Variants in RFX3 observed in about 807,000 individuals in gnomAD.
RFX3 encodes regulatory factor X3.
A neutral mutation model predicts 98.6 loss-of-function variants in RFX3; 14 were observed. That is an observed-to-expected ratio of 0.14 (90% CI 0.09 to 0.22). The LOEUF (loss-of-function observed/expected upper bound fraction) is 0.22, where lower values mean the gene tolerates loss of function less well. Among genes scored for constraint, RFX3 ranks in the 10% least tolerant of loss-of-function variants. The pLI is 1.00. For missense variants in RFX3, 639 were observed against 926.9 expected (o/e 0.69, Z 4.03); for synonymous variants, 383 against 328.4 (o/e 1.17, Z -1.80).
chr9:3,239,181 T>C (rs1819583130), intron 15 of RFX3, among the ~76,000 whole-genome samples: 2 of 152,222 alleles, frequency 1.3e-5, no homozygotes, highest in Non-Finnish European at 2.9e-5. Context: ...GCATTCTGCA[T>C]TTAGCACTGA....
chr9:3,257,276 T>C, intron 13 of RFX3, 77 bp from the exon 14 acceptor site: 1 of 1,160,144 alleles, frequency 8.6e-7, no homozygotes, highest in South Asian at 1.3e-5. Context: ...ACACACTAGA[T>C]GCAAGAACAG....
intron 1 of RFX3, among the ~76,000 whole-genome samples, chr9:3,440,071 A>G (rs1814129953): frequency 6.6e-6 from 1 of 152,090 alleles, no homozygotes; most frequent in Non-Finnish European, 1.5e-5. Context: ...ATTGCTGATA[A>G]AAACTCTCAG....
chr9:3,474,207 C>A (rs1366727592), intron 1 of RFX3, among the ~76,000 whole-genome samples: 2 of 152,126 alleles, frequency 1.3e-5, no homozygotes, highest in Admixed American at 1.3e-4. Context: ...ACTTGCAGTT[C>A]CAATCAGCAA....
intron 1 of RFX3, among the ~76,000 whole-genome samples, 190 bp downstream of exon 1, chr9:3,525,557 G>A (rs983678331): frequency 6.6e-6 from 1 of 152,054 alleles, no homozygotes; most frequent in Non-Finnish European, 1.5e-5. Flanking sequence ...GGCGCGCAGG[G>A]TCCATTGTAA....
chr9:3,332,559 C>G (rs748096753), intron 3 of RFX3, among the ~76,000 whole-genome samples: 3 of 152,164 alleles, frequency 2.0e-5, no homozygotes, highest in Non-Finnish European at 4.4e-5. Flanking sequence ...TGCAATCTAT[C>G]TCCAACTTTG....
chr9:3,393,255 G>C (rs763984575), intron 2 of RFX3, among the ~76,000 whole-genome samples: 3 of 152,134 alleles, frequency 2.0e-5, no homozygotes, highest in African/African-American at 2.4e-5. Flanking sequence ...GTGGTTTGTG[G>C]GAGAATGGGG....
intron 1 of RFX3, among the ~76,000 whole-genome samples, chr9:3,479,035 A>G (rs143973426): frequency 2.0e-5 from 3 of 152,228 alleles, no homozygotes; most frequent in Non-Finnish European, 4.4e-5. Context: ...AGTGCCTTCA[A>G]TGGGGCTCCA....
chr9:3,344,654 C>T (rs770153958), intron 3 of RFX3: 8 of 578,414 alleles, frequency 1.4e-5, no homozygotes, highest in African/African-American at 1.3e-4. Flanking sequence ...AAGCTACAAA[C>T]TCCCATTCTC....
At chr9:3,326,290 T>C (rs899350257) in intron 4 of RFX3, among the ~76,000 whole-genome samples, 5 of 152,142 alleles carry the variant, frequency 3.3e-5, no homozygotes, top group African/African-American at 1.2e-4. Context: ...ATTCATCATA[T>C]AAAATTTAAT....
intron 15 of RFX3, among the ~76,000 whole-genome samples, chr9:3,242,523 A>AG (rs1820092397): frequency 6.6e-6 from 1 of 152,148 alleles, no homozygotes; most frequent in African/African-American, 2.4e-5. Context: ...TAGTCACACT[A>AG]GCACAATGCT....
chr9:3,520,248 G>A (rs534429239), intron 1 of RFX3, among the ~76,000 whole-genome samples: 3 of 152,246 alleles, frequency 2.0e-5, no homozygotes, highest in Admixed American at 2.0e-4. Flanking sequence ...GATTCTTTGA[G>A]GCAGTCTAAC....
At chr9:3,358,258 A>G (rs1836004000) in intron 2 of RFX3, among the ~76,000 whole-genome samples, 1 of 152,174 alleles carries the variant, frequency 6.6e-6, no homozygotes, top group Non-Finnish European at 1.5e-5. Context: ...TACATCTTGA[A>G]TAACTGGTAA....
chr9:3,390,711 G>T lies in RFX3; in HGVS notation c.117+4761C>A, dbSNP rs561677514. ...TAAAAATGGGAGTTTCCCTGCACAA[G>T]CTCTCTCTCTTTACCTGCTGCCACC... On this transcript the variant is annotated intron_variant, in intron 2 of 16. Transcript: ENST00000617270. Among the ~76,000 whole-genome samples the T allele has an allele frequency of 2.6e-5, 4 of 152,132 alleles. No individual in the cohort carries two copies. The East Asian group carries it at 7.7e-4, about 29-fold the overall frequency.
At chr9:3,503,669 A>G (rs1291070316) in intron 1 of RFX3, among the ~76,000 whole-genome samples, 1 of 149,614 alleles carries the variant, frequency 6.7e-6, no homozygotes, top group African/African-American at 2.6e-5. Flanking sequence ...AGTAACTTTT[A>G]TTTAAATAAT....
At chr9:3,387,556 T>G (rs1265227599) in intron 2 of RFX3, among the ~76,000 whole-genome samples, 1 of 152,106 alleles carries the variant, frequency 6.6e-6, no homozygotes, top group East Asian at 1.9e-4. Flanking sequence ...ACCTTACTTC[T>G]TTATACTGGA....
chr9:3,383,110 G>A (rs185488088), intron 2 of RFX3, among the ~76,000 whole-genome samples: 73 of 152,008 alleles, frequency 4.8e-4, no homozygotes, highest in Middle Eastern at 3.4e-3. Context: ...ATTCCTTTCC[G>A]CAGATTACCC....
intron 2 of RFX3, among the ~76,000 whole-genome samples, chr9:3,377,765 T>C (rs1473683400): frequency 1.3e-5 from 2 of 152,174 alleles, no homozygotes; most frequent in African/African-American, 4.8e-5. Flanking sequence ...AATGAAAATG[T>C]TCTGTATTTT....
intron 3 of RFX3, among the ~76,000 whole-genome samples, chr9:3,339,035 G>C (rs1489903540): frequency 3.9e-5 from 6 of 152,020 alleles, no homozygotes; most frequent in Non-Finnish European, 8.8e-5. Flanking sequence ...GTTGCAGTGA[G>C]CCGAGATCGC....
chr9:3,311,223 TTTCTC>T (rs1442942196), intron 4 of RFX3, among the ~76,000 whole-genome samples: 11 of 152,254 alleles, frequency 7.2e-5, no homozygotes, highest in African/African-American at 2.4e-4. Context: ...TTCTGGGTAA[TTTCTC>T]TTCTGATCTT....
Sources: gnomAD v4.1 joint callset for allele counts (sites outside exome capture counted in the v4.1 genomes callset) on GRCh38, gnomAD v4.1.1 for gene constraint, MANE v1.5 for transcripts, NCBI Gene and HGNC (gene_info 2026-07-23, HGNC 2026-07-21) for gene names.